The following CERK variants were observed in gnomAD, a reference collection of about 807,000 sequenced individuals.
CERK encodes ceramide kinase, also known as acylsphingosine kinase.
CERK carries 39 observed loss-of-function variants against 63.4 expected under a neutral mutation model. The observed-to-expected ratio is 0.61, with a 90% CI of 0.48 to 0.80. The LOEUF (loss-of-function observed/expected upper bound fraction) is 0.80, where lower values mean the gene tolerates loss of function less well. Ranked by LOEUF, CERK falls within the 30% of genes least tolerant of loss-of-function variation. The pLI is 0.00. For missense variants in CERK, 670 were observed against 714.1 expected (o/e 0.94, Z 0.70); for synonymous variants, 302 against 280.0 (o/e 1.08, Z -0.78).
At chr22:46,717,204 G>A (rs1418483960) in intron 3 of CERK, among the ~76,000 whole-genome samples, 1 of 152,198 alleles carries the variant, frequency 6.6e-6, no homozygotes, top group Non-Finnish European at 1.5e-5. Context: ...CCCTGAGGGT[G>A]GAATGCAGGC....
intron 4 of CERK, among the ~76,000 whole-genome samples, chr22:46,711,511 GT>G (rs1166032262): frequency 6.6e-6 from 1 of 152,142 alleles, no homozygotes; most frequent in Non-Finnish European, 1.5e-5. Context: ...GAAGATGTTA[GT>G]GCAGTCTCTA....
At chr22:46,732,994 G>A (rs1229734554) in intron 1 of CERK, among the ~76,000 whole-genome samples, 1 of 151,872 alleles carries the variant, frequency 6.6e-6, no homozygotes, top group Non-Finnish European at 1.5e-5. Flanking sequence ...GGATCACGAG[G>A]TCAGGAGATT....
In CERK at chr22:46,685,858, A is replaced by C. The variant is rs1460337363; in HGVS notation, c.*1276T>G. ...GGAGCTTCTGCAAAACCCACCCGGC[A>C]GCATGAGGAACGGTGTCTACAGCGT... On this transcript the variant is annotated 3_prime_UTR_variant, in exon 13 of 13. Coordinates refer to ENST00000216264, the MANE Select transcript of CERK (RefSeq NM_022766.6). 1 of 152,254 alleles carries C rather than the reference A, an allele frequency of 6.6e-6. No homozygotes were observed. The highest frequency in any genetic ancestry group is 1.5e-5 in the Non-Finnish European group (1 of 68,042). The allele number at this position is 152,254 out of a possible 1,614,324, so 9.4% of individuals were successfully genotyped here.
At chr22:46,722,450 G>A (rs2082896980) in intron 1 of CERK, among the ~76,000 whole-genome samples, 1 of 152,108 alleles carries the variant, frequency 6.6e-6, no homozygotes, top group African/African-American at 2.4e-5. Context: ...GAGAGCAGAG[G>A]TCTCAGGAGG....
intron 1 of CERK, among the ~76,000 whole-genome samples, chr22:46,734,774 T>C (rs1054216362): frequency 1.3e-5 from 2 of 152,236 alleles, no homozygotes; most frequent in African/African-American, 4.8e-5. Flanking sequence ...AAATACCAAA[T>C]ATTAATCACG....
Position 46,710,354 on chromosome 22 carries a change from G to C in CERK, c.569+732C>G, listed in dbSNP as rs801730. Among the ~76,000 whole-genome samples the C allele has an allele frequency of 9.9e-3, 1,501 of 151,596 alleles. 25 individuals are homozygous for C. Among genetic ancestry groups the C allele is most frequent in the African/African-American group, 0.035 (1,441 of 41,258 alleles). On this transcript the variant is annotated intron_variant, in intron 5 of 12. Transcript: ENST00000216264. ...GAGGTTGAGGCAGGAGAATCATTTGGACTTGGGAGGCCGAAGCTGCCGAGG... is the reference window on the plus strand; with the variant it reads ...GAGGTTGAGGCAGGAGAATCATTTGCACTTGGGAGGCCGAAGCTGCCGAGG...
At chr22:46,733,101 G>A (rs1013913531) in intron 1 of CERK, among the ~76,000 whole-genome samples, 4 of 149,936 alleles carry the variant, frequency 2.7e-5, no homozygotes, top group South Asian at 2.1e-4. Context: ...CCAGCTACTC[G>A]GGAGGCTGAG....
intron 4 of CERK, 66 bp downstream of exon 4, chr22:46,712,102 T>A (rs1255516628): frequency 6.3e-7 from 1 of 1,578,664 alleles, no homozygotes; most frequent in Non-Finnish European, 8.7e-7. Context: ...AGCAGAAACG[T>A]CTCTAGTGAC....
intron 2 of CERK, 47 bp from the exon 3 acceptor site, chr22:46,720,255 C>G: frequency 6.3e-7 from 1 of 1,574,846 alleles, no homozygotes; most frequent in Non-Finnish European, 8.6e-7. Flanking sequence ...TGCAGGGTCA[C>G]TGACAAAACC....
In CERK at chr22:46,714,712, G is replaced by C. The variant is rs2082858627; in HGVS notation, c.380-2419C>G. Among the ~76,000 whole-genome samples the C allele has an allele frequency of 6.6e-6, 1 of 152,076 alleles. No individual in the cohort carries two copies. The highest frequency in any genetic ancestry group is 2.4e-5 in the African/African-American group (1 of 41,394). ...AGGAAAAAATAGCCTCAAGATTATA[G>C]GAACGCTTCCAGAGAACAGAAAAAA... On this transcript the variant is annotated intron_variant, in intron 3 of 12. Coordinates refer to ENST00000216264, the MANE Select transcript of CERK (RefSeq NM_022766.6). The surrounding 1 kb of genome is among the most constrained non-coding windows in gnomAD (Gnocchi z 4.4).
intron 1 of CERK, among the ~76,000 whole-genome samples, chr22:46,721,678 T>C (rs887597189): frequency 1.3e-5 from 2 of 152,148 alleles, no homozygotes; most frequent in Non-Finnish European, 2.9e-5. Flanking sequence ...GGACAGTGCC[T>C]GGTTCAGAAA....
At chr22:46,737,315 AAACAAAAAAC>A (rs2082979452) in intron 1 of CERK, among the ~76,000 whole-genome samples, 2 of 147,810 alleles carry the variant, frequency 1.4e-5, no homozygotes, top group East Asian at 1.9e-4. Flanking sequence ...AACAAAAAAC[AAACAAAAAAC>A]AACAAAAAAC....
At chr22:46,702,058 A>G (rs135689) in intron 6 of CERK, among the ~76,000 whole-genome samples, 112,784 of 151,364 alleles carry the variant, frequency 0.75, 42,146 homozygotes, top group African/African-American at 0.79. Flanking sequence ...GCATGCACCT[A>G]TAATACCAGC....
chr22:46,724,893 C>T (rs953515109), intron 1 of CERK, among the ~76,000 whole-genome samples: 5 of 152,114 alleles, frequency 3.3e-5, no homozygotes, highest in Admixed American at 6.5e-5. Flanking sequence ...TGGTGGCGGG[C>T]ACCTGTAGCC....
In CERK at chr22:46,721,159, T is replaced by A; in HGVS notation, c.143-144A>T. On this transcript the variant is annotated intron_variant, in intron 1 of 12. Coordinates refer to ENST00000216264, the MANE Select transcript of CERK (RefSeq NM_022766.6). Reference sequence around the variant, plus strand: ...TGGGTGTGGTGGTGTGCACCTGTAATCCCAGCACTTTGGGAGGCTGAGGAG... The same window carrying A: ...TGGGTGTGGTGGTGTGCACCTGTAAACCCAGCACTTTGGGAGGCTGAGGAG... 4.9e-6 allele frequency: 3 copies of A among 610,184 alleles called. No individual in the cohort carries two copies. The South Asian group carries it at 5.2e-5, about 11-fold the overall frequency. The allele number at this position is 610,184 out of a possible 1,614,324, so 37.8% of individuals were successfully genotyped here.
intron 3 of CERK, among the ~76,000 whole-genome samples, chr22:46,713,010 A>C (rs2082849331): frequency 6.6e-6 from 1 of 151,492 alleles, no homozygotes; most frequent in African/African-American, 2.4e-5. Context: ...ACGCCCGGCT[A>C]ATTTTTTGTA....
intron 8 of CERK, among the ~76,000 whole-genome samples, chr22:46,697,747 CACCTGCCTTG>C (rs2082763391): frequency 6.6e-6 from 1 of 152,208 alleles, no homozygotes; most frequent in African/African-American, 2.4e-5. Flanking sequence ...TCAGGTGATC[CACCTGCCTTG>C]ACCTCCCAAA....
Position 46,734,853 on chromosome 22 carries a change from C to T in CERK, c.142+3154G>A, listed in dbSNP as rs142705410. ...TCTCGATATTATTAAATCAACATGA[C>T]TTACTTTTGTAAGCAGGAAAAACAT... On this transcript the variant is annotated intron_variant, in intron 1 of 12. Transcript: ENST00000216264. Among the ~76,000 whole-genome samples the T allele has an allele frequency of 5.9e-5, 9 of 152,308 alleles. No individual in the cohort carries two copies. The East Asian group carries it at 1.7e-3, about 29-fold the overall frequency.
chr22:46,690,839 T>A (rs2082726546), intron 11 of CERK, among the ~76,000 whole-genome samples: 1 of 152,162 alleles, frequency 6.6e-6, no homozygotes, highest in African/African-American at 2.4e-5. Flanking sequence ...ACATCTTTAC[T>A]GTGTCGCTTT....
Sources: allele counts gnomAD v4.1 joint callset (sites outside exome capture counted in the v4.1 genomes callset), GRCh38; gene constraint gnomAD v4.1.1; non-coding constraint Gnocchi (gnomAD v3.1); transcripts MANE v1.5; gene names NCBI Gene and HGNC (gene_info 2026-07-23, HGNC 2026-07-21).